LEKR1: variants seen among roughly 807,000 people sequenced by gnomAD.
LEKR1 encodes the protein protein LEKR1.
A neutral mutation model predicts 72.4 loss-of-function variants in LEKR1; 59 were observed. That is an observed-to-expected ratio of 0.82 (90% CI 0.66 to 1.01). The LOEUF is 1.01. Ranked by LOEUF, LEKR1 falls within the 50% of genes least tolerant of loss-of-function variation. The probability of loss-of-function intolerance (pLI) is 0.00; values close to 1 mark genes in which losing one functional copy is unlikely to be tolerated. For synonymous variants in LEKR1, 257 were observed against 263.2 expected (o/e 0.98, Z 0.23); for missense variants, 728 against 759.2 (o/e 0.96, Z 0.48).
chr3:157,016,638 A>T (rs1733364135), intron 10 of LEKR1, among the ~76,000 whole-genome samples: 1 of 152,182 alleles, frequency 6.6e-6, no homozygotes, highest in Non-Finnish European at 1.5e-5. Context: ...ATCTACACAG[A>T]GGAATGTAGA....
chr3:156,879,804 G>T (rs938311685), intron 3 of LEKR1, among the ~76,000 whole-genome samples: 2 of 152,176 alleles, frequency 1.3e-5, no homozygotes, highest in Non-Finnish European at 2.9e-5. Flanking sequence ...GGTACAGCTC[G>T]GGTTGTGGCT....
chr3:156,958,158 T>G (rs915573111), intron 6 of LEKR1, among the ~76,000 whole-genome samples: 7 of 152,166 alleles, frequency 4.6e-5, no homozygotes, highest in Admixed American at 4.6e-4. Context: ...AGGTTGGTTT[T>G]TTTGTTTTGT....
At chr3:156,890,600 A>C (rs1181227355) in intron 3 of LEKR1, among the ~76,000 whole-genome samples, 1 of 152,198 alleles carries the variant, frequency 6.6e-6, no homozygotes, top group Non-Finnish European at 1.5e-5. Context: ...TAATATTTCC[A>C]ATGTAAAAAT....
intron 6 of LEKR1, among the ~76,000 whole-genome samples, chr3:156,959,206 T>C (rs185386643): frequency 5.3e-4 from 80 of 152,302 alleles, no homozygotes; most frequent in Non-Finnish European, 1.0e-4. Context: ...TAGATTTTCT[T>C]TGGGCACATC....
At position 156,851,452 on chromosome 3, in the gene LEKR1, G is replaced by T. The variant is rs184273481; in HGVS notation, c.49-1316G>T. 2.4e-3 allele frequency among the ~76,000 whole-genome samples: 358 copies of T among 152,212 alleles called. 3 individuals are homozygous for T. The highest frequency in any genetic ancestry group is 4.1e-3 in the South Asian group (20 of 4,822). ...CATCATTTGGGATGTTAAAATAAAG[G>T]ATAGGCAACAACATATTTAAGTTGA... On this transcript the variant is annotated intron_variant, in intron 2 of 12. Transcript: ENST00000356539.
chr3:157,033,789 G>A (rs1372424225), intron 12 of LEKR1, among the ~76,000 whole-genome samples: 2 of 152,176 alleles, frequency 1.3e-5, no homozygotes, highest in Admixed American at 1.3e-4. Context: ...CATAGCTGTA[G>A]TACAGAAGCT....
At chr3:156,858,276 A>AGT (rs1716315159) in intron 3 of LEKR1, among the ~76,000 whole-genome samples, 1 of 152,136 alleles carries the variant, frequency 6.6e-6, no homozygotes, top group South Asian at 2.1e-4. Context: ...ACAGAGAGAG[A>AGT]GAGAGCTTTT....
intron 6 of LEKR1, among the ~76,000 whole-genome samples, chr3:156,947,813 C>A (rs1448701014): frequency 1.3e-5 from 2 of 151,186 alleles, no homozygotes; most frequent in Non-Finnish European, 3.0e-5. Flanking sequence ...CATATTCTTT[C>A]AGGTGCTAAG....
chr3:156,859,392 G>A (rs917059779), intron 3 of LEKR1, among the ~76,000 whole-genome samples: 1 of 152,046 alleles, frequency 6.6e-6, no homozygotes, highest in African/African-American at 2.4e-5. Flanking sequence ...ATTATAGTTT[G>A]TATCTTTACA....
intron 6 of LEKR1, among the ~76,000 whole-genome samples, chr3:156,955,693 G>A (rs1420224734): frequency 1.3e-5 from 2 of 152,068 alleles, no homozygotes; most frequent in African/African-American, 4.8e-5. Flanking sequence ...CAGGGATGAA[G>A]CCAACTTGAT....
chr3:156,979,530 T>G, intron 7 of LEKR1: 1 of 196,448 alleles, frequency 5.1e-6, no homozygotes. Flanking sequence ...ATAAGAAACT[T>G]ACTTATCCAT....
At chr3:156,833,822 C>T (rs1712750412) in intron 2 of LEKR1, among the ~76,000 whole-genome samples, 1 of 151,264 alleles carries the variant, frequency 6.6e-6, no homozygotes, top group South Asian at 2.1e-4. Flanking sequence ...AGTGATAACT[C>T]AAAAATTTCA....
chr3:156,924,494 G>A, intron 4 of LEKR1: 1 of 685,514 alleles, frequency 1.5e-6, no homozygotes, highest in South Asian at 1.6e-5. Context: ...CTGTTTTATA[G>A]ATTGTGCTTT....
chr3:157,020,332 G>T (rs1733722979), intron 10 of LEKR1, among the ~76,000 whole-genome samples: 2 of 145,510 alleles, frequency 1.4e-5, no homozygotes, highest in Non-Finnish European at 1.5e-5. Flanking sequence ...CAATGTGCAG[G>T]TTAGTTACAT....
intron 3 of LEKR1, among the ~76,000 whole-genome samples, chr3:156,863,714 A>T (rs1389848442): frequency 6.6e-6 from 1 of 152,126 alleles, no homozygotes; most frequent in Non-Finnish European, 1.5e-5. Flanking sequence ...AGCTGATCAA[A>T]TTCTTTATCT....
chr3:157,034,621 A>G (rs1248679669), intron 12 of LEKR1, among the ~76,000 whole-genome samples: 2 of 152,230 alleles, frequency 1.3e-5, no homozygotes, highest in Non-Finnish European at 2.9e-5. Flanking sequence ...TTGAAATTAC[A>G]ACAAAGGATT....
intron 5 of LEKR1, among the ~76,000 whole-genome samples, chr3:156,928,821 T>C (rs1458669140): frequency 6.6e-6 from 1 of 152,014 alleles, no homozygotes; most frequent in African/African-American, 2.4e-5. Flanking sequence ...GATTTAACAC[T>C]CTAAGTTTAG....
Position 156,985,561 on chromosome 3 carries a change from G to A in LEKR1, c.827+6286G>A, listed in dbSNP as rs139920527. ...GCGATTAAGAATTTTGAGGCCAGGCGTAGTGGCTCATACCTGTAATCCCAG... is the reference window on the plus strand; with the variant it reads ...GCGATTAAGAATTTTGAGGCCAGGCATAGTGGCTCATACCTGTAATCCCAG... On this transcript the variant is annotated intron_variant, in intron 7 of 12. Coordinates refer to ENST00000356539, the MANE Select transcript of LEKR1 (RefSeq NM_001004316.3). Among the ~76,000 whole-genome samples, 22 of 152,260 alleles carry A rather than the reference G, an allele frequency of 1.4e-4. No homozygotes were observed. In the East Asian group the frequency reaches 2.9e-3, roughly 20 times the overall value.
intron 9 of LEKR1, among the ~76,000 whole-genome samples, chr3:157,007,067 T>C (rs2108019690): frequency 6.6e-6 from 1 of 152,098 alleles, no homozygotes; most frequent in Non-Finnish European, 1.5e-5. Flanking sequence ...CCGGGCGTGG[T>C]GGCGGGCGCC....
Sources: gnomAD v4.1 joint callset for allele counts (sites outside exome capture counted in the v4.1 genomes callset) on GRCh38, gnomAD v4.1.1 for gene constraint, MANE v1.5 for transcripts, NCBI Gene and HGNC (gene_info 2026-07-23, HGNC 2026-07-21) for gene names.